PTPRK: variants seen among roughly 807,000 people sequenced by gnomAD.
PTPRK encodes receptor-type tyrosine-protein phosphatase kappa.
Under a neutral mutation model 178.0 loss-of-function variants are expected in PTPRK, and 75 were observed. The observed-to-expected ratio is 0.42, with a 90% CI of 0.35 to 0.51. The LOEUF (loss-of-function observed/expected upper bound fraction) is 0.51. Among genes scored for constraint, PTPRK ranks in the 20% least tolerant of loss-of-function variants. PTPRK has a pLI of 0.02. For synonymous variants in PTPRK, 637 were observed against 620.6 expected (o/e 1.03, Z -0.39); for missense variants, 1,441 against 1,797.8 (o/e 0.80, Z 3.59).
intron 2 of PTPRK, among the ~76,000 whole-genome samples, chr6:128,362,317 A>G (rs1268319984): frequency 6.6e-6 from 1 of 151,994 alleles, no homozygotes; most frequent in African/African-American, 2.4e-5. Context: ...ATTGTATTAA[A>G]CCCTTCATGA....
chr6:128,400,182 T>A (rs927095936), intron 1 of PTPRK, among the ~76,000 whole-genome samples: 12 of 152,184 alleles, frequency 7.9e-5, no homozygotes, highest in Admixed American at 7.2e-4. Flanking sequence ...AATAATATGA[T>A]GAAAATTCCA....
chr6:128,428,884 A>C (rs1429835466), intron 1 of PTPRK, among the ~76,000 whole-genome samples: 1 of 152,248 alleles, frequency 6.6e-6, no homozygotes, highest in Admixed American at 6.5e-5. Context: ...ACACTTTATT[A>C]TAAATAGGCC....
chr6:128,377,685 C>A (rs1185637185), intron 2 of PTPRK, among the ~76,000 whole-genome samples: 1 of 150,640 alleles, frequency 6.6e-6, no homozygotes. Context: ...AAGTGATCAA[C>A]TTCATTAAAG....
chr6:128,253,864 A>T (rs2128290274), intron 3 of PTPRK, among the ~76,000 whole-genome samples: 1 of 152,328 alleles, frequency 6.6e-6, no homozygotes, highest in African/African-American at 2.4e-5. Flanking sequence ...TGCACTTACA[A>T]AGAAAAGCAA....
intron 13 of PTPRK, among the ~76,000 whole-genome samples, chr6:128,057,723 T>C (rs1313890919): frequency 6.6e-6 from 1 of 152,132 alleles, no homozygotes; most frequent in Non-Finnish European, 1.5e-5. Context: ...CTGTAATAAG[T>C]CGTAGCCATG....
chr6:128,152,221 A>C (rs1173001231), intron 7 of PTPRK, among the ~76,000 whole-genome samples: 1 of 152,052 alleles, frequency 6.6e-6, no homozygotes, highest in East Asian at 1.9e-4. Flanking sequence ...TTTGTAGCTG[A>C]GAGTTAAGAG....
At chr6:128,348,760 T>A (rs1832746319) in intron 2 of PTPRK, among the ~76,000 whole-genome samples, 1 of 152,178 alleles carries the variant, frequency 6.6e-6, no homozygotes, top group East Asian at 1.9e-4. Flanking sequence ...AAGATATGTA[T>A]GAAAACCTGA....
intron 1 of PTPRK, among the ~76,000 whole-genome samples, chr6:128,505,955 C>A (rs1356950187): frequency 6.6e-6 from 1 of 152,110 alleles, no homozygotes; most frequent in African/African-American, 2.4e-5. Context: ...TTTGAAACTA[C>A]CTCATTGTTT....
At chr6:128,354,838 T>C (rs1055338488) in intron 2 of PTPRK, among the ~76,000 whole-genome samples, 1 of 152,188 alleles carries the variant, frequency 6.6e-6, no homozygotes, top group African/African-American at 2.4e-5. Context: ...CCTAGGCCAC[T>C]TTCATCTAGA....
intron 3 of PTPRK, among the ~76,000 whole-genome samples, chr6:128,313,757 T>C (rs997451543): frequency 3.9e-5 from 6 of 152,192 alleles, no homozygotes; most frequent in East Asian, 3.9e-4. Flanking sequence ...TGACTTATAA[T>C]AGATTTTAAG....
chr6:128,089,988 A>G lies in PTPRK; in HGVS notation c.1167T>C (p.Pro389=). 1 of 1,596,162 alleles carries G rather than the reference A, an allele frequency of 6.3e-7. No individual in the cohort carries two copies. The highest frequency in any genetic ancestry group is 8.6e-7 in the Non-Finnish European group (1 of 1,164,068). ...TCTTTAATGTCTTTGGGGTTCTCAT[A>G]GGTTCTGAAAAATAAATCAGAGTTG... ...PLITRTKCAE[P]MRTPKTLKIA... is the part of the protein sequence containing the mutation. The change falls in exon 8 of 30, where the codon CCT becomes CCC. Residue 389 remains proline (P), a synonymous_variant. Transcript: ENST00000368226.
chr6:128,155,430 T>C (rs1425095108), intron 7 of PTPRK, among the ~76,000 whole-genome samples: 3 of 151,734 alleles, frequency 2.0e-5, no homozygotes, highest in African/African-American at 7.2e-5. Flanking sequence ...CTTCAGCTAT[T>C]TAGTTATCTT....
intron 1 of PTPRK, among the ~76,000 whole-genome samples, chr6:128,410,278 G>T (rs1842150876): frequency 6.6e-6 from 1 of 152,126 alleles, no homozygotes; most frequent in African/African-American, 2.4e-5. Context: ...TATCTAGAAG[G>T]AAATATGTGC....
At chr6:128,091,224 T>G (rs1786886188) in intron 7 of PTPRK, among the ~76,000 whole-genome samples, 1 of 152,218 alleles carries the variant, frequency 6.6e-6, no homozygotes, top group African/African-American at 2.4e-5. Flanking sequence ...GCCAGTCTTA[T>G]GACTATTCAC....
Position 127,973,287 on chromosome 6 carries a change from T to A in PTPRK, c.4134-130A>T, listed in dbSNP as rs1177699555. 5.5e-6 allele frequency: 8 copies of A among 1,449,134 alleles called. No homozygotes were observed. The East Asian group carries it at 1.8e-4, about 33-fold the overall frequency. The allele number at this position is 1,449,134 out of a possible 1,614,324, so 89.8% of individuals were successfully genotyped here. Reference sequence around the variant, plus strand: ...TTTCCATTTGTGTCTTAATTTTGCTTTATATGTGTACAAGGCAGAGAGGAG... The same window carrying A: ...TTTCCATTTGTGTCTTAATTTTGCTATATATGTGTACAAGGCAGAGAGGAG... On this transcript the variant is annotated intron_variant, in intron 28 of 29. Coordinates refer to ENST00000368226, the MANE Select transcript of PTPRK (RefSeq NM_002844.4).
rs1248836587 is a variant in PTPRK, at chr6:128,234,460, T to C, written c.693+5575A>G. 3.9e-5 allele frequency among the ~76,000 whole-genome samples: 6 copies of C among 152,282 alleles called. No individual in the cohort carries two copies. The East Asian group carries it at 9.7e-4, about 24-fold the overall frequency. ...TGACATTAACATTACCCTAGAGAAT[T>C]TCCCCCTGCCCACATCCAATTAATC... On this transcript the variant is annotated intron_variant, in intron 5 of 29. Transcript: ENST00000368226.
At chr6:128,500,259 C>A (rs1218080787) in intron 1 of PTPRK, among the ~76,000 whole-genome samples, 1 of 151,976 alleles carries the variant, frequency 6.6e-6, no homozygotes, top group Non-Finnish European at 1.5e-5. Flanking sequence ...GCTGAATAAA[C>A]AGAATGTTGA....
At chr6:128,211,081 T>G (rs1430120115) in intron 6 of PTPRK, among the ~76,000 whole-genome samples, 1 of 152,102 alleles carries the variant, frequency 6.6e-6, no homozygotes, top group African/African-American at 2.4e-5. Context: ...TCACTGTATT[T>G]ATATACCTTG....
At chr6:128,200,079 C>T (rs1277490513) in intron 6 of PTPRK, among the ~76,000 whole-genome samples, 2 of 152,118 alleles carry the variant, frequency 1.3e-5, no homozygotes, top group African/African-American at 2.4e-5. Context: ...TTCAGAATTA[C>T]TTATTTGAAT....
Sources: allele counts gnomAD v4.1 joint callset (sites outside exome capture counted in the v4.1 genomes callset), GRCh38; gene constraint gnomAD v4.1.1; transcripts MANE v1.5; gene names NCBI Gene and HGNC (gene_info 2026-07-23, HGNC 2026-07-21).